PROSER2: variants seen among roughly 807,000 people sequenced by gnomAD.
PROSER2 encodes proline and serine rich 2.
PROSER2 carries 18 observed loss-of-function variants against 14.6 expected under a neutral mutation model. The ratio of observed to expected loss-of-function variants is 1.23; its 90% CI spans 0.85 to 1.83. The LOEUF (loss-of-function observed/expected upper bound fraction) is 1.83, where lower values mean the gene tolerates loss of function less well. Ranked by LOEUF, PROSER2 falls within the 40% of genes most tolerant of loss-of-function variation. PROSER2 has a pLI of 0.00. For missense variants in PROSER2, 823 were observed against 629.8 expected (o/e 1.31, Z -3.28); for synonymous variants, 367 against 286.4 (o/e 1.28, Z -2.84).
At chr10:11,829,417 C>A (rs1375039076) in intron 1 of PROSER2, among the ~76,000 whole-genome samples, 1 of 151,534 alleles carries the variant, frequency 6.6e-6, no homozygotes, top group African/African-American at 2.4e-5. Flanking sequence ...AGACCCCCAT[C>A]TACAAAAAAT....
At chr10:11,845,159 G>A (rs538037777) in intron 1 of PROSER2, among the ~76,000 whole-genome samples, 38 of 152,186 alleles carry the variant, frequency 2.5e-4, no homozygotes, top group African/African-American at 8.2e-4. Context: ...GTGTGTGTGT[G>A]CAATTTCTCG....
In PROSER2 at chr10:11,836,824, T is replaced by C. The variant is rs1227087502; in HGVS notation, c.-82+13354T>C. Among the ~76,000 whole-genome samples, 1 of 152,198 alleles carries C rather than the reference T, an allele frequency of 6.6e-6. No homozygotes were observed. Among genetic ancestry groups the C allele is most frequent in the Non-Finnish European group, 1.5e-5 (1 of 68,032 alleles). On this transcript the variant is annotated intron_variant, in intron 1 of 3. Transcript: ENST00000277570. This position sits in a 1 kb window ranked among gnomAD's most constrained non-coding sequence, Gnocchi z 4.6. Reference sequence around the variant, plus strand: ...ATAAACCTATACCGAAGTCCTCTCTTATACACGGTTTTGCTTTCCATAGTT... The same window carrying C: ...ATAAACCTATACCGAAGTCCTCTCTCATACACGGTTTTGCTTTCCATAGTT...
intron 1 of PROSER2, among the ~76,000 whole-genome samples, chr10:11,834,938 G>C (rs1431983963): frequency 6.6e-6 from 1 of 151,502 alleles, no homozygotes; most frequent in African/African-American, 2.4e-5. Context: ...GAAACCCTGT[G>C]TCTACTAAAA....
At position 11,866,429 on chromosome 10, in the gene PROSER2, C is replaced by T. The variant is rs78987715; in HGVS notation, c.139-102C>T. 5,572 of 1,416,340 alleles carry T rather than the reference C, an allele frequency of 3.9e-3. 151 individuals are homozygous for T. In the African/African-American group the frequency reaches 0.065, roughly 17 times the overall value. The allele number at this position is 1,416,340 out of a possible 1,614,324, so 87.7% of individuals were successfully genotyped here. ...GGTACTCTCGGGACACAGTGAGTTC[C>T]GCCCTGGGCTGTGGACCAATCCCAA... On this transcript the variant is annotated intron_variant, in intron 2 of 3. Transcript: ENST00000277570. The surrounding 1 kb of genome is among the most constrained non-coding windows in gnomAD (Gnocchi z 6.0).
intron 2 of PROSER2, among the ~76,000 whole-genome samples, chr10:11,860,290 C>T (rs990083507): frequency 2.0e-5 from 3 of 152,092 alleles, no homozygotes; most frequent in African/African-American, 7.2e-5. Context: ...GCTTCCAGGA[C>T]CTGGGAAGCT....
intron 1 of PROSER2, among the ~76,000 whole-genome samples, chr10:11,849,383 A>G (rs996025825): frequency 1.3e-5 from 2 of 152,086 alleles, no homozygotes; most frequent in Admixed American, 6.5e-5. Flanking sequence ...ACCCCCATAA[A>G]TATATTCTGT....
At chr10:11,833,752 A>C (rs1833719767) in intron 1 of PROSER2, among the ~76,000 whole-genome samples, 1 of 152,178 alleles carries the variant, frequency 6.6e-6, no homozygotes, top group Admixed American at 6.5e-5. Context: ...GAAAACAAGA[A>C]TTACATGCAG....
chr10:11,840,922 CAAAAAAAAAAAAAAAAAA>C (rs1169517487), intron 1 of PROSER2, among the ~76,000 whole-genome samples: 1 of 50,372 alleles, frequency 2.0e-5, no homozygotes, highest in African/African-American at 8.0e-5. Context: ...GAGACTGTCT[CAAAAAAAAAAAAAAAAAA>C]AAAAAAAAAA....
chr10:11,848,624 G>A (rs1394287181), intron 1 of PROSER2, among the ~76,000 whole-genome samples: 2 of 152,156 alleles, frequency 1.3e-5, no homozygotes, highest in South Asian at 2.1e-4. Context: ...TTTGCAGGGC[G>A]TAAACCTCCC....
chr10:11,869,801 A>G lies in PROSER2; in HGVS notation c.703A>G (p.Ser235Gly), dbSNP rs761838831. ...GACACCTGCCGCCCGGGGGCCCCGC[A>G]GTGGAGACCCTGGCCCGGGGCCCAG... is the stretch of plus-strand genomic sequence containing the variant. ...WRTPAARGPRSGDPGPGPSHP... is the reference protein window; with the variant it reads ...WRTPAARGPRGGDPGPGPSHP... Residue 235 changes from serine (S) to glycine (G), a missense_variant, in exon 4 of 4, where the codon AGT becomes GGT. Transcript: ENST00000277570. The surrounding 1 kb of genome is among the most constrained non-coding windows in gnomAD (Gnocchi z 4.4). 15 of 1,557,122 alleles carry G rather than the reference A, an allele frequency of 9.6e-6. No homozygotes were observed. Among genetic ancestry groups the G allele is most frequent in the Admixed American group, 1.9e-5 (1 of 52,142 alleles).
intron 2 of PROSER2, among the ~76,000 whole-genome samples, chr10:11,861,442 G>A (rs543222306): frequency 6.6e-6 from 1 of 152,134 alleles, no homozygotes; most frequent in South Asian, 2.1e-4. Flanking sequence ...GATTTATACT[G>A]TGGTACTGGA....
chr10:11,851,979 C>G lies in PROSER2; in HGVS notation c.-81-18C>G. On this transcript the variant is annotated intron_variant, in intron 1 of 3. Transcript: ENST00000277570. Reference sequence around the variant, plus strand: ...TCTCGGCTTACTGACCATTGTCATTCGTGTTTGGTGTCTCTAGGAGTGAGC... The same window carrying G: ...TCTCGGCTTACTGACCATTGTCATTGGTGTTTGGTGTCTCTAGGAGTGAGC... The G allele has an allele frequency of 7.8e-7, 1 of 1,277,010 alleles. No homozygotes were observed. Among genetic ancestry groups the G allele is most frequent in the East Asian group, 2.7e-5 (1 of 36,774 alleles). The allele number at this position is 1,277,010 out of a possible 1,614,324, so 79.1% of individuals were successfully genotyped here. A position where few individuals can be genotyped will look rare whatever the true frequency, so the allele number is the denominator to read the frequency against.
rs142443009 is a variant in PROSER2, at chr10:11,852,147, C to T, written c.70C>T (p.Arg24Ter). The T allele has an allele frequency of 1.4e-5, 22 of 1,613,450 alleles. 1 individual carries two copies. The highest frequency in any genetic ancestry group is 1.7e-4 in the Middle Eastern group (1 of 6,060). ...AGACACGTCCCCCAGCTGCAGGCTCCGAGCCTTCAGCAGAGGCGGCAGCCT... is the reference window on the plus strand; with the variant it reads ...AGACACGTCCCCCAGCTGCAGGCTCTGAGCCTTCAGCAGAGGCGGCAGCCT... ...NSDTSPSCRL[R>*]AFSRGGSLES... Residue 24 changes from arginine (R) to a stop codon, truncating the protein, a stop_gained, in exon 2 of 4, where the codon CGA (arginine) becomes TGA (stop). Transcript: ENST00000277570. LOFTEE classifies it high-confidence loss of function.
In PROSER2 at chr10:11,832,923, T is replaced by C. The variant is rs528129085; in HGVS notation, c.-82+9453T>C. The stretch of plus-strand genomic sequence containing the variant: ...AGTGGCTCAGTCTTTGCTTAGGGCA[T>C]CCTCCACCTCCCAAATTCAAGCAAT... On this transcript the variant is annotated intron_variant, in intron 1 of 3. Transcript: ENST00000277570. Among the ~76,000 whole-genome samples, 39 of 152,164 alleles carry C rather than the reference T, an allele frequency of 2.6e-4. No individual in the cohort carries two copies. In the South Asian group the frequency reaches 7.9e-3, roughly 31 times the overall value.
At chr10:11,843,148 G>A (rs1329675264) in intron 1 of PROSER2, among the ~76,000 whole-genome samples, 20 of 148,732 alleles carry the variant, frequency 1.3e-4, no homozygotes, top group Admixed American at 1.1e-3. Flanking sequence ...CACCATGTTA[G>A]CCAGGATGGT....
At chr10:11,839,907 TG>T (rs946059015) in intron 1 of PROSER2, among the ~76,000 whole-genome samples, 3 of 151,848 alleles carry the variant, frequency 2.0e-5, no homozygotes, top group African/African-American at 7.3e-5. Context: ...CCAGTAAGTA[TG>T]GTGTTTGCTG....
At position 11,870,065 on chromosome 10, in the gene PROSER2, C is replaced by G; in HGVS notation, c.967C>G (p.Pro323Ala). The G allele has an allele frequency of 1.6e-6, 2 of 1,250,940 alleles. No homozygotes were observed. Among genetic ancestry groups the G allele is most frequent in the East Asian group, 3.4e-5 (1 of 29,552 alleles). The allele number at this position is 1,250,940 out of a possible 1,614,324, so 77.5% of individuals were successfully genotyped here. A position where few individuals can be genotyped will look rare whatever the true frequency, so the allele number is the denominator to read the frequency against. The change falls in exon 4 of 4, where the codon CCG becomes GCG. Residue 323 changes from proline (P) to alanine (A), a missense_variant. Pro to Ala is a conservative substitution (Grantham distance 27). Coordinates refer to ENST00000277570, the MANE Select transcript of PROSER2 (RefSeq NM_153256.4). Reference protein sequence around the residue: ...PERVARGRGLPGPAESLRAGG... With the variant: ...PERVARGRGLAGPAESLRAGG... ...GCGGGTGGCGCGTGGCCGGGGCCTGCCGGGCCCCGCTGAGAGTCTCCGGGC... is the reference window on the plus strand; with the variant it reads ...GCGGGTGGCGCGTGGCCGGGGCCTGGCGGGCCCCGCTGAGAGTCTCCGGGC...
intron 1 of PROSER2, among the ~76,000 whole-genome samples, chr10:11,825,557 C>G (rs1481695865): frequency 1.3e-5 from 2 of 152,220 alleles, no homozygotes; most frequent in Non-Finnish European, 2.9e-5. Flanking sequence ...AGGCACTGCC[C>G]TCTGCACGGG....
At chr10:11,829,257 G>T (rs907059670) in intron 1 of PROSER2, among the ~76,000 whole-genome samples, 1 of 151,598 alleles carries the variant, frequency 6.6e-6, no homozygotes, top group Non-Finnish European at 1.5e-5. Context: ...GTCAATTGTC[G>T]AATTGAATTT....
Sources: allele counts gnomAD v4.1 joint callset (sites outside exome capture counted in the v4.1 genomes callset), GRCh38; gene constraint gnomAD v4.1.1; non-coding constraint Gnocchi (gnomAD v3.1); transcripts MANE v1.5; gene names NCBI Gene and HGNC (gene_info 2026-07-23, HGNC 2026-07-21).